Variants in LRBA observed in about 807,000 individuals in gnomAD.
LRBA encodes LPS responsive beige-like anchor protein, also known as lipopolysaccharide-responsive and beige-like anchor protein.
A neutral mutation model predicts 330.0 loss-of-function variants in LRBA; 176 were observed. The ratio of observed to expected loss-of-function variants is 0.53; its 90% CI spans 0.47 to 0.60. LRBA has a LOEUF of 0.60. LRBA is among the 20% of genes least tolerant of loss of function. LRBA has a pLI of 0.00. For synonymous variants in LRBA, 1,230 were observed against 1,193.0 expected, an observed-to-expected ratio of 1.03 and a Z score of -0.64; for missense variants, 3,259 against 3,444.8, an observed-to-expected ratio of 0.95 and a Z score of 1.35.
At chr4:150,268,071 A>C (rs947328649) in intron 56 of LRBA, among the ~76,000 whole-genome samples, 7 of 152,084 alleles carry the variant, frequency 4.6e-5, no homozygotes, top group African/African-American at 1.7e-4. Context: ...AAAAAAAAAA[A>C]AAAATGACTC....
chr4:150,308,034 T>C (rs1037336898), intron 52 of LRBA, among the ~76,000 whole-genome samples: 4 of 152,178 alleles, frequency 2.6e-5, no homozygotes, highest in African/African-American at 9.6e-5. Flanking sequence ...AAGGCAGGAG[T>C]ATGGACTCAA....
intron 2 of LRBA, among the ~76,000 whole-genome samples, chr4:150,997,384 T>G (rs541636551): frequency 1.3e-5 from 2 of 152,334 alleles, no homozygotes; most frequent in East Asian, 3.9e-4. Flanking sequence ...TGGTCATCAT[T>G]TGACTCACTC....
At chr4:150,473,551 G>C (rs2152071128) in intron 42 of LRBA, among the ~76,000 whole-genome samples, 1 of 152,258 alleles carries the variant, frequency 6.6e-6, no homozygotes, top group African/African-American at 2.4e-5. Context: ...AGGAGAAAGG[G>C]TGAATTCCCT....
intron 40 of LRBA, among the ~76,000 whole-genome samples, chr4:150,576,432 A>C (rs1295661796): frequency 6.6e-6 from 1 of 151,950 alleles, no homozygotes; most frequent in Non-Finnish European, 1.5e-5. Context: ...TTGCTGAATT[A>C]ACTTGGATGT....
At chr4:150,931,760 TA>T (rs1189232445) in intron 2 of LRBA, among the ~76,000 whole-genome samples, 3 of 147,390 alleles carry the variant, frequency 2.0e-5, no homozygotes, top group Admixed American at 6.8e-5. Context: ...AGATCCTGTC[TA>T]AAAAAAAAAT....
intron 34 of LRBA, among the ~76,000 whole-genome samples, chr4:150,792,186 G>A (rs1326575067): frequency 1.4e-5 from 2 of 148,088 alleles, no homozygotes; most frequent in East Asian, 1.9e-4. Flanking sequence ...TCCTAATACC[G>A]GATAGTAAGT....
chr4:150,530,404 C>A (rs1763933706), intron 40 of LRBA, among the ~76,000 whole-genome samples: 1 of 152,138 alleles, frequency 6.6e-6, no homozygotes, highest in Non-Finnish European at 1.5e-5. Context: ...CCTCATATCC[C>A]TTGGCAATTT....
At chr4:150,467,845 G>GTAATA (rs1163345455) in intron 43 of LRBA, 60 bp from the exon 44 acceptor site, 1 of 741,998 alleles carries the variant, frequency 1.3e-6, no homozygotes, top group Non-Finnish European at 2.2e-6. Context: ...AACAGATTCA[G>GTAATA]TAATATAATT....
chr4:150,895,813 T>A (rs1730017976), intron 16 of LRBA, among the ~76,000 whole-genome samples: 1 of 152,210 alleles, frequency 6.6e-6, no homozygotes, highest in South Asian at 2.1e-4. Context: ...ATGGGATGGC[T>A]GGGTCAAATG....
rs188240581 is a variant in LRBA, at chr4:150,923,537, G to A, written c.550-2244C>T. ...TTTCATTCTACAATATACCTTTACCGCATAGCATATAAATATATGTATACG... is the reference window on the plus strand; with the variant it reads ...TTTCATTCTACAATATACCTTTACCACATAGCATATAAATATATGTATACG... On this transcript the variant is annotated intron_variant, in intron 4 of 56. Coordinates refer to ENST00000651943, the MANE Select transcript of LRBA (RefSeq NM_001364905.1). Among the ~76,000 whole-genome samples, 16 of 152,040 alleles carry A rather than the reference G, an allele frequency of 1.1e-4. 1 individual carries two copies. In the East Asian group the frequency reaches 2.5e-3, roughly 24 times the overall value.
At chr4:150,823,251 T>C (rs1745731751) in intron 30 of LRBA, among the ~76,000 whole-genome samples, 1 of 152,192 alleles carries the variant, frequency 6.6e-6, no homozygotes, top group Non-Finnish European at 1.5e-5. Context: ...TTTAGCCCAT[T>C]TTAAGGTTAT....
At chr4:150,559,637 TTTATATAATATAATATATA>T (rs1467374547) in intron 40 of LRBA, among the ~76,000 whole-genome samples, 12 of 64,962 alleles carry the variant, frequency 1.8e-4, no homozygotes, top group Admixed American at 9.3e-4. Context: ...ATAATATATA[TTTATATAATATAATATATA>T]ATTATAATAT....
intron 44 of LRBA, among the ~76,000 whole-genome samples, chr4:150,449,549 A>G (rs1358396747): frequency 6.6e-6 from 1 of 151,700 alleles, no homozygotes; most frequent in African/African-American, 2.4e-5. Context: ...CCAGAAAAGT[A>G]CATAAAAAAA....
chr4:150,469,822 C>G (rs1022745768), intron 43 of LRBA, among the ~76,000 whole-genome samples: 1 of 152,142 alleles, frequency 6.6e-6, no homozygotes, highest in African/African-American at 2.4e-5. Flanking sequence ...TACTTTTCTT[C>G]TCTCCTCCTC....
intron 40 of LRBA, among the ~76,000 whole-genome samples, chr4:150,521,457 GT>G (rs747510161): frequency 6.6e-6 from 1 of 152,032 alleles, no homozygotes; most frequent in Non-Finnish European, 1.5e-5. Flanking sequence ...GTTTCACTGT[GT>G]TGCCTGGTCT....
At chr4:150,836,423 T>G (rs1748088761) in intron 28 of LRBA, among the ~76,000 whole-genome samples, 1 of 152,190 alleles carries the variant, frequency 6.6e-6, no homozygotes, top group South Asian at 2.1e-4. Flanking sequence ...TGTGAATCCA[T>G]CTGGTCCTGG....
chr4:150,926,070 G>A (rs1005403867), intron 4 of LRBA, among the ~76,000 whole-genome samples: 1 of 152,162 alleles, frequency 6.6e-6, no homozygotes, highest in Non-Finnish European at 1.5e-5. Context: ...AAAGAAAGTG[G>A]AGTCCACAGA....
At chr4:150,360,589 C>A (rs1738549916) in intron 47 of LRBA, among the ~76,000 whole-genome samples, 2 of 152,138 alleles carry the variant, frequency 1.3e-5, no homozygotes, top group Non-Finnish European at 2.9e-5. Context: ...GATTTTGATA[C>A]AAGACAGAAT....
At chr4:150,265,956 A>C in intron 56 of LRBA, 144 bp from the exon 57 acceptor site, 23 of 611,826 alleles carry the variant, frequency 3.8e-5, no homozygotes, top group East Asian at 5.7e-5. Flanking sequence ...TATGTATTTC[A>C]TGACTAAAAT....
Sources: gnomAD v4.1 joint callset for allele counts (sites outside exome capture counted in the v4.1 genomes callset) on GRCh38, gnomAD v4.1.1 for gene constraint, MANE v1.5 for transcripts, NCBI Gene and HGNC (gene_info 2026-07-23, HGNC 2026-07-21) for gene names.